The following VPS50 variants were observed in gnomAD, a reference collection of about 807,000 sequenced individuals.
The protein encoded by VPS50 is syndetin.
In VPS50, 70 loss-of-function variants were observed where a neutral mutation model predicts 139.7. That is an observed-to-expected ratio of 0.50 (90% CI 0.41 to 0.61). VPS50 has a LOEUF of 0.61. Ranked by LOEUF, VPS50 falls within the 20% of genes least tolerant of loss-of-function variation. The pLI is 0.00. For synonymous variants in VPS50, 365 were observed against 376.7 expected, an observed-to-expected ratio of 0.97 and a Z score of 0.36; for missense variants, 921 against 1,133.7, an observed-to-expected ratio of 0.81 and a Z score of 2.69.
chr7:93,254,314 G>A (rs1039432368), intron 4 of VPS50, among the ~76,000 whole-genome samples: 10 of 152,214 alleles, frequency 6.6e-5, no homozygotes, highest in Admixed American at 4.6e-4. Flanking sequence ...CTGTTGCCCA[G>A]GCTAGAGTGC....
At chr7:93,352,708 G>A (rs1030663864) in intron 25 of VPS50, among the ~76,000 whole-genome samples, 1 of 152,112 alleles carries the variant, frequency 6.6e-6, no homozygotes, top group Non-Finnish European at 1.5e-5. Flanking sequence ...ATCCATTGAA[G>A]GCTAAACCTT....
chr7:93,237,015 A>G (rs1357719626), intron 1 of VPS50, among the ~76,000 whole-genome samples: 1 of 122,950 alleles, frequency 8.1e-6, no homozygotes, highest in African/African-American at 3.2e-5. Flanking sequence ...CAGTGGAGCG[A>G]TCTCGGCTCA....
At chr7:93,259,663 T>A (rs746758245) in intron 9 of VPS50, 31 bp downstream of exon 9, 3 of 1,137,352 alleles carry the variant, frequency 2.6e-6, no homozygotes, top group Non-Finnish European at 4.0e-6. Flanking sequence ...TAAAGCAGAT[T>A]CTGTTGTCAG....
At position 93,348,872 on chromosome 7, in the gene VPS50, A is replaced by AT. The variant is rs1397471140; in HGVS notation, c.2304+71dup. ...GATAGGACTGTCACAGATTATTTAG[A>AT]TTTTTTGTTGTTTTTTTTAACTGGA... On this transcript the variant is annotated intron_variant, in intron 24 of 27. Transcript: ENST00000305866. 2.2e-5 allele frequency: 25 copies of AT among 1,155,204 alleles called. No individual in the cohort carries two copies. In the South Asian group the frequency reaches 3.2e-4, roughly 15 times the overall value. The allele number at this position is 1,155,204 out of a possible 1,614,324, so 71.6% of individuals were successfully genotyped here.
chr7:93,357,760 A>G (rs1283882953), intron 27 of VPS50, among the ~76,000 whole-genome samples: 2 of 152,150 alleles, frequency 1.3e-5, no homozygotes, highest in African/African-American at 2.4e-5. Flanking sequence ...AAAATTCAGG[A>G]ACCAGATGGA....
chr7:93,319,283 G>T (rs374801501), intron 20 of VPS50, among the ~76,000 whole-genome samples: 1 of 152,072 alleles, frequency 6.6e-6, no homozygotes, highest in Non-Finnish European at 1.5e-5. Flanking sequence ...ACTTCTCTCT[G>T]TGTCTCCCAC....
At chr7:93,235,178 C>T (rs1794762917) in intron 1 of VPS50, among the ~76,000 whole-genome samples, 1 of 152,018 alleles carries the variant, frequency 6.6e-6, no homozygotes, top group African/African-American at 2.4e-5. Flanking sequence ...AAGGCAAATG[C>T]AGAGGTCCTG....
chr7:93,311,340 T>A (rs1162748757), intron 20 of VPS50, 68 bp downstream of exon 20: 9 of 797,972 alleles, frequency 1.1e-5, no homozygotes, highest in Non-Finnish European at 2.0e-5. Flanking sequence ...GACTTTTACT[T>A]GTGGTTTTTA....
chr7:93,306,078 A>G, intron 18 of VPS50, 74 bp downstream of exon 18: 6 of 1,097,536 alleles, frequency 5.5e-6, no homozygotes, highest in Admixed American at 1.9e-5. Flanking sequence ...AAGGCAATTC[A>G]CTACATTTAC....
At chr7:93,242,797 G>T (rs1795034198) in intron 2 of VPS50, among the ~76,000 whole-genome samples, 1 of 151,850 alleles carries the variant, frequency 6.6e-6, no homozygotes, top group South Asian at 2.1e-4. Context: ...GAAAGAAATA[G>T]GTTAGTTTGG....
intron 9 of VPS50, among the ~76,000 whole-genome samples, chr7:93,265,562 A>G (rs1795816141): frequency 6.6e-6 from 1 of 151,800 alleles, no homozygotes; most frequent in Admixed American, 6.6e-5. Context: ...TAGGTCAGGG[A>G]TTTCTTTCTT....
rs559512380 is a variant in VPS50 at position 93,336,576 on chromosome 7, A to G, written c.2058+2379A>G. Among the ~76,000 whole-genome samples, 513 of 152,190 alleles carry G rather than the reference A, an allele frequency of 3.4e-3. 6 individuals are homozygous for G. The highest frequency in any genetic ancestry group is 0.012 in the African/African-American group (492 of 41,564). ...TCACCCAGGCTGGAGTGCAGTGGTA[A>G]GATCTTGTCTCACTGCAACCTCCAC... is the stretch of plus-strand genomic sequence containing the variant. On this transcript the variant is annotated intron_variant, in intron 22 of 27. Coordinates refer to ENST00000305866, the MANE Select transcript of VPS50 (RefSeq NM_017667.4).
intron 23 of VPS50, among the ~76,000 whole-genome samples, chr7:93,344,653 A>C (rs1798334302): frequency 6.6e-6 from 1 of 151,954 alleles, no homozygotes; most frequent in Non-Finnish European, 1.5e-5. Context: ...AGTGCAATCA[A>C]ACTAGAACTC....
intron 20 of VPS50, among the ~76,000 whole-genome samples, chr7:93,312,855 A>C (rs1797311168): frequency 6.6e-6 from 1 of 151,772 alleles, no homozygotes; most frequent in Non-Finnish European, 1.5e-5. Context: ...AGAAATTCAG[A>C]CCTTTCAGAA....
At chr7:93,237,880 A>G (rs922315108) in intron 1 of VPS50, among the ~76,000 whole-genome samples, 3 of 151,886 alleles carry the variant, frequency 2.0e-5, no homozygotes, top group African/African-American at 7.3e-5. Flanking sequence ...TATTTTCCTG[A>G]TCCTCTCTCT....
chr7:93,283,831 G>A (rs1796401889), intron 12 of VPS50, among the ~76,000 whole-genome samples: 1 of 152,304 alleles, frequency 6.6e-6, no homozygotes, highest in Non-Finnish European at 1.5e-5. Flanking sequence ...GGAAAGCACA[G>A]GGCAGGTGAA....
intron 9 of VPS50, among the ~76,000 whole-genome samples, chr7:93,261,701 A>G (rs1259875557): frequency 1.3e-5 from 2 of 149,200 alleles, no homozygotes; most frequent in African/African-American, 2.5e-5. Flanking sequence ...AAAAAAAAAG[A>G]AATTAGGCTG....
At position 93,258,403 on chromosome 7, in the gene VPS50, A is replaced by C. The variant is rs1489623421; in HGVS notation, c.576+11A>C. 2.5e-6 allele frequency: 4 copies of C among 1,610,838 alleles called. No homozygotes were observed. The highest frequency in any genetic ancestry group is 3.4e-6 in the Non-Finnish European group (4 of 1,177,482). ...AGTGAAATGCTGGAGGTAAGTTAAC[A>C]AGTTTTGGAAATTTAGGGTCCTACT... is the stretch of plus-strand genomic sequence containing the variant. On this transcript the variant is annotated intron_variant, in intron 8 of 27. Transcript: ENST00000305866.
chr7:93,357,365 TC>T (rs921094340), intron 27 of VPS50, among the ~76,000 whole-genome samples: 94 of 152,210 alleles, frequency 6.2e-4, no homozygotes, highest in Middle Eastern at 3.4e-3. Flanking sequence ...CAGTGACATT[TC>T]CCCAGCAGCA....
Sources: gnomAD v4.1 joint callset for allele counts (sites outside exome capture counted in the v4.1 genomes callset) on GRCh38, gnomAD v4.1.1 for gene constraint, MANE v1.5 for transcripts, NCBI Gene and HGNC (gene_info 2026-07-23, HGNC 2026-07-21) for gene names.